Variants in EPB41L4B observed in about 807,000 individuals in gnomAD.
EPB41L4B encodes band 4.1-like protein 4B.
In EPB41L4B, 30 loss-of-function variants were observed where a neutral mutation model predicts 112.5. The ratio of observed to expected loss-of-function variants is 0.27; its 90% CI spans 0.20 to 0.36. EPB41L4B has a LOEUF of 0.36. EPB41L4B is among the 10% of genes least tolerant of loss of function. The pLI is 1.00. For synonymous variants in EPB41L4B, 408 were observed against 439.7 expected (o/e 0.93, Z 0.90); for missense variants, 1,024 against 1,133.3 (o/e 0.90, Z 1.38).
At chr9:109,209,077 C>A (rs1833075154) in intron 17 of EPB41L4B, among the ~76,000 whole-genome samples, 1 of 152,108 alleles carries the variant, frequency 6.6e-6, no homozygotes, top group Admixed American at 6.5e-5. Flanking sequence ...TCAAATGTCC[C>A]AAAGCTCTCA....
At chr9:109,239,634 A>G (rs1203323264) in intron 15 of EPB41L4B, 1 of 175,210 alleles carries the variant, frequency 5.7e-6, no homozygotes, top group African/African-American at 2.4e-5. Context: ...TAAGTTAAGG[A>G]ATGAAAAGTG....
chr9:109,317,889 C>G (rs1163452931), intron 1 of EPB41L4B, among the ~76,000 whole-genome samples: 1 of 152,228 alleles, frequency 6.6e-6, no homozygotes, highest in Non-Finnish European at 1.5e-5. Context: ...TGAAGTGGGT[C>G]TGAGGAGCAG....
At chr9:109,287,581 T>A (rs1164483027) in intron 1 of EPB41L4B, among the ~76,000 whole-genome samples, 3 of 152,294 alleles carry the variant, frequency 2.0e-5, no homozygotes, top group Admixed American at 2.0e-4. Flanking sequence ...AGGAACCATC[T>A]CCTTGAGGGT....
chr9:109,190,547 C>A (rs148593653), intron 22 of EPB41L4B, among the ~76,000 whole-genome samples: 1 of 152,330 alleles, frequency 6.6e-6, no homozygotes, highest in Non-Finnish European at 1.5e-5. Context: ...CAAACCTGGG[C>A]TGACAGCTTG....
intron 25 of EPB41L4B, among the ~76,000 whole-genome samples, chr9:109,174,876 C>T (rs893150567): frequency 6.7e-6 from 1 of 149,732 alleles, no homozygotes; most frequent in African/African-American, 2.5e-5. Context: ...CAGAGCCTTG[C>T]GCAGTATCTG....
At chr9:109,305,909 G>A (rs1837172089) in intron 1 of EPB41L4B, among the ~76,000 whole-genome samples, 1 of 152,254 alleles carries the variant, frequency 6.6e-6, no homozygotes, top group African/African-American at 2.4e-5. Flanking sequence ...GGGTGGCAGA[G>A]CGAGACTCTG....
chr9:109,195,362 T>C (rs1832605425), intron 20 of EPB41L4B, among the ~76,000 whole-genome samples: 1 of 152,126 alleles, frequency 6.6e-6, no homozygotes, highest in South Asian at 2.1e-4. Context: ...AAAGCTGCAG[T>C]GCGGATGGGA....
intron 15 of EPB41L4B, among the ~76,000 whole-genome samples, chr9:109,222,442 T>G (rs552967271): frequency 1.3e-5 from 2 of 152,288 alleles, no homozygotes; most frequent in African/African-American, 4.8e-5. Context: ...GCGGAACTCC[T>G]GGAGATGCCA....
At chr9:109,272,351 G>C (rs185871846) in intron 2 of EPB41L4B, among the ~76,000 whole-genome samples, 1 of 152,158 alleles carries the variant, frequency 6.6e-6, no homozygotes, top group South Asian at 2.1e-4. Flanking sequence ...AGTCCCAGCT[G>C]CTGAGGAGGC....
chr9:109,213,846 A>G (rs769823992), intron 16 of EPB41L4B, 28 bp from the exon 17 acceptor site: 8 of 1,600,562 alleles, frequency 5.0e-6, no homozygotes, highest in Non-Finnish European at 6.9e-6. Context: ...GAAATAAATA[A>G]GGAAAGGTTG....
chr9:109,293,982 C>T (rs1341527700), intron 1 of EPB41L4B, among the ~76,000 whole-genome samples: 1 of 152,024 alleles, frequency 6.6e-6, no homozygotes, highest in East Asian at 1.9e-4. Context: ...TGCACTAAAC[C>T]CATCAAGGAC....
intron 1 of EPB41L4B, among the ~76,000 whole-genome samples, chr9:109,298,812 A>G (rs1398185397): frequency 1.3e-5 from 2 of 152,124 alleles, no homozygotes; most frequent in African/African-American, 4.8e-5. Flanking sequence ...AGCAGAGCAA[A>G]TTTATCTGGA....
At position 109,256,179 on chromosome 9, in the gene EPB41L4B, T is replaced by A; in HGVS notation, c.886A>T (p.Ile296Leu). ...EYSLGLTPTG[I>L]LIFEGANKIG... ...TTGTTAGCTCCTTCAAAGATTAATATGCCTGTCGGGGTCAGTCCAAGAGAA... is the reference window on the plus strand; with the variant it reads ...TTGTTAGCTCCTTCAAAGATTAATAAGCCTGTCGGGGTCAGTCCAAGAGAA... Residue 296 changes from isoleucine (I) to leucine (L), a missense_variant, in exon 9 of 26, where the codon ATA (isoleucine) becomes TTA (leucine). Coordinates refer to ENST00000374566, the MANE Select transcript of EPB41L4B (RefSeq NM_019114.5). 6.2e-7 allele frequency: 1 copy of A among 1,614,218 alleles called. No individual in the cohort carries two copies. Among genetic ancestry groups the A allele is most frequent in the Non-Finnish European group, 8.5e-7 (1 of 1,180,022 alleles).
At chr9:109,213,850 A>T (rs773710507) in intron 16 of EPB41L4B, 32 bp from the exon 17 acceptor site, 1 of 1,588,704 alleles carries the variant, frequency 6.3e-7, no homozygotes, top group Non-Finnish European at 8.6e-7. Flanking sequence ...TAAATAAGGA[A>T]AGGTTGAAAG....
At chr9:109,285,080 A>T (rs1296525033) in intron 1 of EPB41L4B, among the ~76,000 whole-genome samples, 4 of 152,238 alleles carry the variant, frequency 2.6e-5, no homozygotes, top group Non-Finnish European at 5.9e-5. Context: ...ATCCTGCAGC[A>T]GCAAATCTGC....
chr9:109,248,983 C>T (rs1043992913), intron 13 of EPB41L4B, among the ~76,000 whole-genome samples: 3 of 150,904 alleles, frequency 2.0e-5, no homozygotes, highest in African/African-American at 2.4e-5. Context: ...GGCGTGAACC[C>T]GGGAGGCAGA....
At chr9:109,283,751 C>T (rs1010526559) in intron 1 of EPB41L4B, among the ~76,000 whole-genome samples, 2 of 151,972 alleles carry the variant, frequency 1.3e-5, no homozygotes, top group Admixed American at 1.3e-4. Context: ...ACAGATGCTC[C>T]TTATGACGGG....
In EPB41L4B at chr9:109,252,734, A is replaced by G. The variant is rs1834837302; in HGVS notation, c.1279+707T>C. On this transcript the variant is annotated intron_variant, in intron 12 of 25. Transcript: ENST00000374566. ...CTCTGCCATAAAAGAGCAAACACTG[A>G]GTACAAACTGGGCGTCCTAAGTCGG... is the stretch of plus-strand genomic sequence containing the variant. Among the ~76,000 whole-genome samples the G allele has an allele frequency of 2.0e-5, 3 of 152,196 alleles. No homozygotes were observed. The South Asian group carries it at 6.2e-4, about 31-fold the overall frequency.
chr9:109,278,387 T>A (rs1835915469), intron 2 of EPB41L4B, among the ~76,000 whole-genome samples: 1 of 152,166 alleles, frequency 6.6e-6, no homozygotes, highest in South Asian at 2.1e-4. Flanking sequence ...CCAGAGGCAC[T>A]GTAGCCAGGA....
Sources: gnomAD v4.1 joint callset for allele counts (sites outside exome capture counted in the v4.1 genomes callset) on GRCh38, gnomAD v4.1.1 for gene constraint, MANE v1.5 for transcripts, NCBI Gene and HGNC (gene_info 2026-07-23, HGNC 2026-07-21) for gene names.